MAEL: variants seen among roughly 807,000 people sequenced by gnomAD.
MAEL encodes maelstrom spermatogenic transposon silencer, also known as protein maelstrom homolog.
MAEL carries 46 observed loss-of-function variants against 62.0 expected under a neutral mutation model. That is an observed-to-expected ratio of 0.74 (90% CI 0.59 to 0.95). MAEL has a LOEUF of 0.95. Ranked by LOEUF, MAEL falls within the 40% of genes least tolerant of loss-of-function variation. The pLI is 0.00. For synonymous variants in MAEL, 172 were observed against 175.5 expected, an observed-to-expected ratio of 0.98 and a Z score of 0.16; for missense variants, 497 against 526.8, an observed-to-expected ratio of 0.94 and a Z score of 0.55.
At chr1:166,986,458 G>C, upstream of MAEL, among the ~76,000 whole-genome samples, 1 of 152,194 alleles carries the variant, frequency 6.6e-6, no homozygotes, top group East Asian at 1.9e-4. Flanking sequence ...GTGGGAAGAA[G>C]TAATAATTTT....
chr1:166,984,396 T>C (rs77997804), upstream of MAEL, among the ~76,000 whole-genome samples: 1,579 of 152,200 alleles, frequency 0.01, 32 homozygotes, highest in African/African-American at 0.036. Flanking sequence ...AACCCTTAAA[T>C]AGAGTAGATC....
intron 5 of MAEL, among the ~76,000 whole-genome samples, chr1:166,998,712 T>G (rs1207290667): frequency 2.0e-5 from 3 of 152,228 alleles, no homozygotes; most frequent in African/African-American, 7.2e-5. Flanking sequence ...TTATTGCATT[T>G]CACTTTATTG....
At chr1:166,993,938 G>A in intron 4 of MAEL, 90 bp from the exon 5 acceptor site, 2 of 893,608 alleles carry the variant, frequency 2.2e-6, no homozygotes, top group East Asian at 2.7e-5. Context: ...TTACCTTTCT[G>A]TGTGATAACT....
intron 2 of MAEL, 33 bp downstream of exon 2, chr1:166,989,862 C>G (rs758333507): frequency 3.9e-6 from 6 of 1,542,716 alleles, no homozygotes; most frequent in Non-Finnish European, 5.3e-6. Context: ...CGCCATCTGC[C>G]TGGCACATAG....
At chr1:167,013,545 CTCTG>C (rs1421305429) in intron 8 of MAEL, among the ~76,000 whole-genome samples, 2 of 152,162 alleles carry the variant, frequency 1.3e-5, no homozygotes, top group African/African-American at 2.4e-5. Flanking sequence ...CTGCAAAGTG[CTCTG>C]TCTTTCTACA....
intron 10 of MAEL, among the ~76,000 whole-genome samples, chr1:167,019,283 A>G (rs1207107329): frequency 6.6e-6 from 1 of 152,218 alleles, no homozygotes; most frequent in Non-Finnish European, 1.5e-5. Context: ...ATTAGTGCCC[A>G]GGTTGAGAAA....
At chr1:166,976,949 C>G (rs557788030) in intron 1 of MAEL, among the ~76,000 whole-genome samples, 4 of 152,204 alleles carry the variant, frequency 2.6e-5, no homozygotes, top group Non-Finnish European at 5.9e-5. Flanking sequence ...AATGCAGGCC[C>G]GGGCCCCTGG....
chr1:166,980,650 A>T (rs188458117), intron 1 of MAEL, among the ~76,000 whole-genome samples: 3 of 152,332 alleles, frequency 2.0e-5, no homozygotes, highest in Non-Finnish European at 4.4e-5. Flanking sequence ...AGAGCCAGAG[A>T]TGAAGGTTAC....
At chr1:166,989,165 G>T (rs562857566), upstream of MAEL, 3 of 799,048 alleles carry the variant, frequency 3.8e-6, no homozygotes, top group South Asian at 1.9e-5. Context: ...AAGGCGGCAC[G>T]AGCCGGAATC....
In MAEL at chr1:166,998,400, A is replaced by G. The variant is rs1296464549; in HGVS notation, c.523+4331A>G. Among the ~76,000 whole-genome samples the G allele has an allele frequency of 2.0e-5, 3 of 152,178 alleles. No homozygotes were observed. The East Asian group carries it at 5.8e-4, about 29-fold the overall frequency. ...GTTACAAATGATATCCCTTGAAATT[A>G]TATTTTCTAATTGTTTACTTTTATA... On this transcript the variant is annotated intron_variant, in intron 5 of 11. Transcript: ENST00000367872.
intron 5 of MAEL, among the ~76,000 whole-genome samples, chr1:167,003,811 A>G (rs1664776886): frequency 1.3e-5 from 2 of 152,146 alleles, no homozygotes; most frequent in Admixed American, 6.6e-5. Context: ...ATTACTGTTA[A>G]GTTCTCAAGC....
At chr1:166,989,943 G>T in intron 2 of MAEL, 114 bp downstream of exon 2, 1 of 797,014 alleles carries the variant, frequency 1.3e-6, no homozygotes, top group East Asian at 2.7e-5. Flanking sequence ...GGTTCGGTTA[G>T]TGCGAAGACG....
chr1:166,997,243 G>T (rs1291944904), intron 5 of MAEL, among the ~76,000 whole-genome samples: 1 of 152,242 alleles, frequency 6.6e-6, no homozygotes, highest in East Asian at 1.9e-4. Context: ...AATGTTTTAA[G>T]AAAGTTTATG....
chr1:167,003,624 T>C (rs1375105817), intron 5 of MAEL, among the ~76,000 whole-genome samples: 2 of 152,234 alleles, frequency 1.3e-5, no homozygotes, highest in Non-Finnish European at 2.9e-5. Context: ...TCCCTAAAGC[T>C]AATCTCACCG....
chr1:166,989,187 G>T (rs1230221948), upstream of MAEL: 1 of 926,738 alleles, frequency 1.1e-6, no homozygotes, highest in Non-Finnish European at 1.6e-6. Context: ...TCCAGTCTCA[G>T]GCTGTTTGTT....
chr1:167,011,690 T>A (rs1440715597), intron 8 of MAEL, among the ~76,000 whole-genome samples: 1 of 152,182 alleles, frequency 6.6e-6, no homozygotes, highest in Non-Finnish European at 1.5e-5. Context: ...TTAAATGGTT[T>A]ATTGACTAAA....
chr1:166,988,860 C>T (rs1174638661), upstream of MAEL, among the ~76,000 whole-genome samples: 2 of 152,028 alleles, frequency 1.3e-5, no homozygotes, highest in Non-Finnish European at 2.9e-5. Context: ...TTTTTGTCAT[C>T]CTCTCCCCTC....
upstream of MAEL, among the ~76,000 whole-genome samples, chr1:166,988,104 C>G (rs1273970330): frequency 2.0e-5 from 3 of 152,072 alleles, no homozygotes; most frequent in African/African-American, 7.2e-5. Context: ...AATCCCAGCA[C>G]TCTGGGAGGC....
At chr1:166,989,937 C>A in intron 2 of MAEL, 108 bp downstream of exon 2, 1 of 856,272 alleles carries the variant, frequency 1.2e-6, no homozygotes, top group South Asian at 1.8e-5. Flanking sequence ...TTTGGGGGTT[C>A]GGTTAGTGCG....
Sources: gnomAD v4.1 joint callset for allele counts (sites outside exome capture counted in the v4.1 genomes callset) on GRCh38, gnomAD v4.1.1 for gene constraint, MANE v1.5 for transcripts, NCBI Gene and HGNC (gene_info 2026-07-23, HGNC 2026-07-21) for gene names.